Variants in PDS5B observed in about 807,000 individuals in gnomAD.
PDS5B encodes the protein PDS5 cohesin associated factor B.
PDS5B carries 51 observed loss-of-function variants against 184.1 expected under a neutral mutation model. The observed-to-expected ratio is 0.28, with a 90% CI of 0.22 to 0.35. The LOEUF is 0.35. Ranked by LOEUF, PDS5B falls within the 10% of genes least tolerant of loss-of-function variation. PDS5B has a pLI of 1.00. For synonymous variants in PDS5B, 566 were observed against 569.2 expected (o/e 0.99, Z 0.08); for missense variants, 1,180 against 1,723.3 (o/e 0.68, Z 5.58).
intron 1 of PDS5B, among the ~76,000 whole-genome samples, chr13:32,607,584 A>T (rs1213609143): frequency 6.6e-6 from 1 of 152,210 alleles, no homozygotes; most frequent in East Asian, 1.9e-4. Context: ...CTCTCTTCAA[A>T]GCTGTCAGAC....
intron 19 of PDS5B, among the ~76,000 whole-genome samples, chr13:32,728,576 C>T (rs1566381286): frequency 6.6e-6 from 1 of 152,172 alleles, no homozygotes; most frequent in Admixed American, 6.5e-5. Flanking sequence ...CTCTAGAAAT[C>T]AGAGCTTCCT....
At chr13:32,760,262 C>G (rs1206855191) in intron 29 of PDS5B, among the ~76,000 whole-genome samples, 4 of 152,124 alleles carry the variant, frequency 2.6e-5, no homozygotes, top group Non-Finnish European at 5.9e-5. Flanking sequence ...GCCAAAAAAG[C>G]ATATTCTTAT....
At chr13:32,718,504 A>C (rs552157044) in intron 19 of PDS5B, among the ~76,000 whole-genome samples, 2 of 152,300 alleles carry the variant, frequency 1.3e-5, no homozygotes, top group South Asian at 4.1e-4. Flanking sequence ...CCGTACCTTC[A>C]TAACATAATT....
chr13:32,721,193 G>A (rs1408300927), intron 19 of PDS5B, among the ~76,000 whole-genome samples: 1 of 152,206 alleles, frequency 6.6e-6, no homozygotes, highest in Non-Finnish European at 1.5e-5. Context: ...GGGCAGAGGG[G>A]CTCCTCACTT....
At chr13:32,763,040 A>G (rs1033335422) in intron 30 of PDS5B, among the ~76,000 whole-genome samples, 9 of 152,040 alleles carry the variant, frequency 5.9e-5, no homozygotes, top group African/African-American at 1.7e-4. Context: ...TGTTTGACCA[A>G]TCTGTTTTGT....
chr13:32,722,793 G>A (rs1952763158), intron 19 of PDS5B, among the ~76,000 whole-genome samples: 1 of 152,222 alleles, frequency 6.6e-6, no homozygotes, highest in Admixed American at 6.5e-5. Context: ...GTTAAGAGGT[G>A]GAGGAGCCCT....
intron 1 of PDS5B, among the ~76,000 whole-genome samples, chr13:32,647,322 A>G (rs944409801): frequency 1.3e-5 from 2 of 152,122 alleles, no homozygotes; most frequent in African/African-American, 4.8e-5. Context: ...GACAGGTGGA[A>G]TGCAGTGGCG....
chr13:32,645,424 T>C (rs148038343), intron 1 of PDS5B, among the ~76,000 whole-genome samples: 1 of 152,244 alleles, frequency 6.6e-6, no homozygotes, highest in African/African-American at 2.4e-5. Context: ...TTGACAGGAC[T>C]CACTAGTAAA....
intron 1 of PDS5B, among the ~76,000 whole-genome samples, chr13:32,630,580 A>G (rs1054889556): frequency 6.6e-6 from 1 of 152,202 alleles, no homozygotes; most frequent in Non-Finnish European, 1.5e-5. Context: ...AAAATCCTTC[A>G]GAAATATAAT....
At chr13:32,741,934 A>G (rs969480003) in intron 22 of PDS5B, among the ~76,000 whole-genome samples, 2 of 152,114 alleles carry the variant, frequency 1.3e-5, no homozygotes, top group Non-Finnish European at 2.9e-5. Context: ...ACTTGAAAGC[A>G]GCACTGGACT....
chr13:32,645,545 C>G (rs1950196207), intron 1 of PDS5B, among the ~76,000 whole-genome samples: 1 of 152,046 alleles, frequency 6.6e-6, no homozygotes, highest in Non-Finnish European at 1.5e-5. Context: ...GATGTAGTTT[C>G]TCAGCTTTAT....
chr13:32,643,023 A>G (rs1180624388), intron 1 of PDS5B, among the ~76,000 whole-genome samples: 1 of 152,116 alleles, frequency 6.6e-6, no homozygotes, highest in Non-Finnish European at 1.5e-5. Flanking sequence ...TTTTGGTTAC[A>G]TGGATGAGTA....
chr13:32,676,111 C>T (rs1213778751), intron 9 of PDS5B, 152 bp downstream of exon 9: 2 of 556,592 alleles, frequency 3.6e-6, no homozygotes, highest in Non-Finnish European at 6.4e-6. Context: ...TAATGACTGG[C>T]TATATTTATA....
chr13:32,696,813 T>C, intron 14 of PDS5B, 41 bp from the exon 15 acceptor site: 1 of 1,456,398 alleles, frequency 6.9e-7, no homozygotes, highest in Admixed American at 1.8e-5. Context: ...AGTTTTCTTG[T>C]TAGGGAATTT....
At chr13:32,606,451 G>C (rs1214881381) in intron 1 of PDS5B, among the ~76,000 whole-genome samples, 2 of 152,110 alleles carry the variant, frequency 1.3e-5, no homozygotes, top group Admixed American at 1.3e-4. Context: ...TAGTCTGATG[G>C]GCTTCCCTTT....
chr13:32,620,063 T>C (rs2058275466), intron 1 of PDS5B, among the ~76,000 whole-genome samples: 1 of 152,054 alleles, frequency 6.6e-6, no homozygotes, highest in African/African-American at 2.4e-5. Flanking sequence ...CCTCCCAAAG[T>C]GCTAGGATTA....
intron 6 of PDS5B, among the ~76,000 whole-genome samples, chr13:32,663,481 T>C (rs571366140): frequency 5.3e-5 from 8 of 152,324 alleles, no homozygotes; most frequent in African/African-American, 1.7e-4. Context: ...ACTTGTTTAA[T>C]AGATCAAAGA....
At chr13:32,609,554 T>G (rs2058109550) in intron 1 of PDS5B, among the ~76,000 whole-genome samples, 1 of 152,234 alleles carries the variant, frequency 6.6e-6, no homozygotes, top group South Asian at 2.1e-4. Context: ...ATTTATTCTG[T>G]AATTCTGGAC....
chr13:32,670,205 A>G (rs1950899750), intron 7 of PDS5B, among the ~76,000 whole-genome samples: 1 of 151,028 alleles, frequency 6.6e-6, no homozygotes, highest in African/African-American at 2.4e-5. Context: ...TAGGTTATTT[A>G]TGTATTAAAA....
Sources: allele counts gnomAD v4.1 joint callset (sites outside exome capture counted in the v4.1 genomes callset), GRCh38; gene constraint gnomAD v4.1.1; transcripts MANE v1.5; gene names NCBI Gene and HGNC (gene_info 2026-07-23, HGNC 2026-07-21).